The following RASSF6 variants were observed in gnomAD, a reference collection of about 807,000 sequenced individuals.
RASSF6 encodes the protein Ras association domain family member 6.
A neutral mutation model predicts 44.0 loss-of-function variants in RASSF6; 52 were observed. That is an observed-to-expected ratio of 1.18 (90% CI 0.95 to 1.49). The LOEUF (loss-of-function observed/expected upper bound fraction) is 1.49. Among genes scored for constraint, RASSF6 ranks in the 40% most tolerant of loss-of-function variants. The pLI, the probability that RASSF6 is intolerant of heterozygous loss-of-function variation, is 0.00. For synonymous variants in RASSF6, 162 were observed against 124.6 expected (o/e 1.30, Z -2.00); for missense variants, 464 against 393.3 (o/e 1.18, Z -1.52).
chr4:73,600,868 A>C (rs1402728575), intron 2 of RASSF6, among the ~76,000 whole-genome samples: 1 of 152,216 alleles, frequency 6.6e-6, no homozygotes, highest in East Asian at 1.9e-4. Flanking sequence ...TTGTCATAGG[A>C]TATTTCCTAA....
At chr4:73,617,899 T>C (rs536055166) in intron 1 of RASSF6, among the ~76,000 whole-genome samples, 1 of 152,276 alleles carries the variant, frequency 6.6e-6, no homozygotes, top group South Asian at 2.1e-4. Context: ...ATCTAAGCTT[T>C]TATATGAAGC....
chr4:73,576,334 T>A (rs952522404), intron 10 of RASSF6, 24 bp from the exon 11 acceptor site: 3 of 1,503,774 alleles, frequency 2.0e-6, no homozygotes, highest in African/African-American at 2.8e-5. Flanking sequence ...GAAGAAAGAC[T>A]ATTAAAAATT....
At chr4:73,615,828 G>T in intron 1 of RASSF6, 1 of 1,350,048 alleles carries the variant, frequency 7.4e-7, no homozygotes, top group Non-Finnish European at 1.0e-6. Flanking sequence ...CAGCAATGCT[G>T]GAACGTGGTT....
chr4:73,593,625 T>G (rs1169359207), intron 3 of RASSF6, 32 bp from the exon 4 acceptor site: 4 of 1,597,346 alleles, frequency 2.5e-6, no homozygotes, highest in Non-Finnish European at 3.4e-6. Flanking sequence ...CCCCAATTGT[T>G]TTTGTATTAT....
At chr4:73,600,738 T>C (rs1244168949) in intron 2 of RASSF6, among the ~76,000 whole-genome samples, 1 of 152,072 alleles carries the variant, frequency 6.6e-6, no homozygotes, top group Non-Finnish European at 1.5e-5. Context: ...AAAAAGATCC[T>C]CCTGAAGTCC....
Position 73,582,770 on chromosome 4 carries a change from C to T in RASSF6, c.568-480G>A, listed in dbSNP as rs546136602. 4.0e-5 allele frequency among the ~76,000 whole-genome samples: 6 copies of T among 151,768 alleles called. No individual in the cohort carries two copies. In the South Asian group the frequency reaches 6.3e-4, roughly 16 times the overall value. ...CATTGGACTGTTAAAAAGATAAGTC[C>T]TATATTGAGAGATCAGTAAATTAAC... is the stretch of plus-strand genomic sequence containing the variant. On this transcript the variant is annotated intron_variant, in intron 6 of 10. Transcript: ENST00000307439.
chr4:73,595,088 A>G (rs1332018761), intron 3 of RASSF6, among the ~76,000 whole-genome samples: 2 of 152,240 alleles, frequency 1.3e-5, no homozygotes, highest in African/African-American at 2.4e-5. Flanking sequence ...GACTTTATTG[A>G]TCAGTGTGTA....
chr4:73,589,763 C>T (rs1724385167), intron 4 of RASSF6, among the ~76,000 whole-genome samples: 1 of 152,106 alleles, frequency 6.6e-6, no homozygotes, highest in South Asian at 2.1e-4. Context: ...CTTGCCCAAA[C>T]ATGGGACTTC....
In RASSF6 at chr4:73,572,997, A is replaced by T. The variant is rs1197291870; in HGVS notation, c.*3238T>A. The T allele has an allele frequency of 1.3e-5, 2 of 152,128 alleles. No individual in the cohort carries two copies. Among genetic ancestry groups the T allele is most frequent in the Non-Finnish European group, 2.9e-5 (2 of 68,010 alleles). The allele number at this position is 152,128 out of a possible 1,614,324, so 9.4% of individuals were successfully genotyped here. A position where few individuals can be genotyped will look rare whatever the true frequency, so the allele number is the denominator to read the frequency against. ...TATAATATATATGCCTTAAGTACAT[A>T]ATAAATATTTTGGAACATGTGTATG... On this transcript the variant is annotated 3_prime_UTR_variant, in exon 11 of 11. Transcript: ENST00000307439.
intron 1 of RASSF6, among the ~76,000 whole-genome samples, chr4:73,616,693 G>A (rs868607205): frequency 1.2e-4 from 18 of 152,196 alleles, no homozygotes; most frequent in African/African-American, 4.1e-4. Context: ...CTTAAAAAAA[G>A]AACAGAAAGT....
intron 1 of RASSF6, among the ~76,000 whole-genome samples, chr4:73,619,301 A>G (rs981868922): frequency 2.0e-5 from 3 of 152,216 alleles, no homozygotes; most frequent in Admixed American, 6.5e-5. Context: ...ATTTGCCACC[A>G]CATACTCTAT....
chr4:73,610,256 C>T (rs554478229), intron 2 of RASSF6, among the ~76,000 whole-genome samples: 2 of 152,240 alleles, frequency 1.3e-5, no homozygotes, highest in Non-Finnish European at 2.9e-5. Context: ...CAAACTATAT[C>T]CAGAATCTGA....
chr4:73,588,783 G>GTCATCATCA (rs71217483), intron 4 of RASSF6, among the ~76,000 whole-genome samples: 89,987 of 148,394 alleles, frequency 0.61, 27,957 homozygotes, highest in South Asian at 0.7. Flanking sequence ...CATCTCCATT[G>GTCATCATCA]TCATCATCAT....
chr4:73,619,157 A>C (rs1322253550), intron 1 of RASSF6, among the ~76,000 whole-genome samples: 1 of 152,210 alleles, frequency 6.6e-6, no homozygotes, highest in Non-Finnish European at 1.5e-5. Context: ...TAAAACCCAA[A>C]TGGCATGAAT....
Position 73,587,892 on chromosome 4 carries a change from A to C in RASSF6, c.330T>G (p.Ser110Arg), listed in dbSNP as rs779104873. The change falls in exon 5 of 11, where the codon AGT becomes AGG. Residue 110 changes from serine (S) to arginine (R), a missense_variant. By Grantham distance (110) the Ser-to-Arg change is moderately radical. Transcript: ENST00000307439. ...TAGGAATCTGGGTCCTGTCCAGCTCACTAATACGATAGAGATCGTCAAATT... is the reference window on the plus strand; with the variant it reads ...TAGGAATCTGGGTCCTGTCCAGCTCCCTAATACGATAGAGATCGTCAAATT... ...WGEFDDLYRI[S>R]ELDRTQIPMS... 1.8e-5 allele frequency: 29 copies of C among 1,610,532 alleles called. No individual in the cohort carries two copies. The South Asian group carries it at 2.8e-4, about 15-fold the overall frequency.
intron 1 of RASSF6, 43 bp from the exon 2 acceptor site, chr4:73,611,872 T>C (rs749680744): frequency 1.5e-6 from 2 of 1,292,400 alleles, no homozygotes; most frequent in Non-Finnish European, 2.2e-6. Context: ...CTATAATGCA[T>C]TAAAAAATTA....
chr4:73,616,843 A>G (rs1726394422), intron 1 of RASSF6, among the ~76,000 whole-genome samples: 2 of 152,222 alleles, frequency 1.3e-5, no homozygotes, highest in South Asian at 4.1e-4. Flanking sequence ...ATTCATCTCC[A>G]AAACGAAACT....
chr4:73,605,264 T>C (rs1407491268), intron 2 of RASSF6, among the ~76,000 whole-genome samples: 1 of 152,182 alleles, frequency 6.6e-6, no homozygotes, highest in Non-Finnish European at 1.5e-5. Flanking sequence ...TATACACTCT[T>C]GTATGTTTTT....
At chr4:73,596,220 A>G (rs757812211) in intron 3 of RASSF6, among the ~76,000 whole-genome samples, 83 of 152,320 alleles carry the variant, frequency 5.4e-4, no homozygotes, top group Non-Finnish European at 1.1e-3. Flanking sequence ...AGATGACATA[A>G]TCTTATATTG....
Sources: gnomAD v4.1 joint callset for allele counts (sites outside exome capture counted in the v4.1 genomes callset) on GRCh38, gnomAD v4.1.1 for gene constraint, MANE v1.5 for transcripts, NCBI Gene and HGNC (gene_info 2026-07-23, HGNC 2026-07-21) for gene names.